DRC11: variants seen among roughly 807,000 people sequenced by gnomAD.
DRC11 encodes the protein dynein regulatory complex subunit 11.
chr2:236,478,003 ATT>A, the DRC11 span, among the ~76,000 whole-genome samples: 2 of 123,558 alleles, frequency 1.6e-5, no homozygotes, highest in African/African-American at 6.7e-5. The surrounding 1 kb of genome is among the most constrained non-coding windows in gnomAD (Gnocchi z 5.9). Flanking sequence ...CGTTTTGTTG[ATT>A]TGTGTGTGTG....
At chr2:236,315,786 G>A in the DRC11 span, among the ~76,000 whole-genome samples, 1 of 152,076 alleles carries the variant, frequency 6.6e-6, no homozygotes, top group Non-Finnish European at 1.5e-5. The surrounding 1 kb of genome is among the most constrained non-coding windows in gnomAD (Gnocchi z 5.1). Context: ...TCTCACAAGT[G>A]GCAGCTGAAC....
chr2:236,339,047 C>T, the DRC11 span, among the ~76,000 whole-genome samples: 2 of 152,132 alleles, frequency 1.3e-5, no homozygotes, highest in Non-Finnish European at 2.9e-5. Flanking sequence ...CCAGTGCAGA[C>T]AGCAAAGAGG....
At chr2:236,487,687 CA>C in the DRC11 span, among the ~76,000 whole-genome samples, 3 of 152,102 alleles carry the variant, frequency 2.0e-5, no homozygotes, top group Non-Finnish European at 4.4e-5. Flanking sequence ...GAATGTATTC[CA>C]AAAATCCATT....
the DRC11 span, chr2:236,497,088 C>T: frequency 2.7e-6 from 3 of 1,125,988 alleles, no homozygotes; most frequent in East Asian, 2.6e-5. This position sits in a 1 kb window ranked among gnomAD's most constrained non-coding sequence, Gnocchi z 5.1. Flanking sequence ...TGTAGAGTAT[C>T]GTGTACAGAT....
At chr2:236,465,869 T>C in the DRC11 span, among the ~76,000 whole-genome samples, 1 of 152,218 alleles carries the variant, frequency 6.6e-6, no homozygotes, top group Non-Finnish European at 1.5e-5. This position sits in a 1 kb window ranked among gnomAD's most constrained non-coding sequence, Gnocchi z 6.2. Context: ...ACTGAGTGCA[T>C]TTACTCAGTG....
At chr2:236,423,452 G>A in the DRC11 span, among the ~76,000 whole-genome samples, 1 of 152,178 alleles carries the variant, frequency 6.6e-6, no homozygotes, top group African/African-American at 2.4e-5. Context: ...ATGAAAACAT[G>A]CTCATCATCA....
At chr2:236,429,932 T>C in the DRC11 span, among the ~76,000 whole-genome samples, 17 of 152,104 alleles carry the variant, frequency 1.1e-4, no homozygotes, top group African/African-American at 3.9e-4. This position sits in a 1 kb window ranked among gnomAD's most constrained non-coding sequence, Gnocchi z 5.9. Flanking sequence ...CTCTGCAGAA[T>C]ATGCTGTTGG....
the DRC11 span, among the ~76,000 whole-genome samples, chr2:236,373,907 T>A: frequency 6.6e-6 from 1 of 152,214 alleles, no homozygotes; most frequent in African/African-American, 2.4e-5. Flanking sequence ...TCCTGTTCAA[T>A]TTTGATTTAA....
the DRC11 span, among the ~76,000 whole-genome samples, chr2:236,504,691 C>G: frequency 6.6e-6 from 1 of 152,128 alleles, no homozygotes; most frequent in African/African-American, 2.4e-5. The surrounding 1 kb of genome is among the most constrained non-coding windows in gnomAD (Gnocchi z 5.0). Context: ...ATAATCCCCA[C>G]GTGTTGTAAG....
chr2:236,420,001 A>G, the DRC11 span, among the ~76,000 whole-genome samples: 1 of 152,202 alleles, frequency 6.6e-6, no homozygotes, highest in Non-Finnish European at 1.5e-5. This position sits in a 1 kb window ranked among gnomAD's most constrained non-coding sequence, Gnocchi z 4.8. Flanking sequence ...GGCTCTGCTC[A>G]TGACTTGTCA....
chr2:236,363,849 G>C, the DRC11 span: 1 of 1,613,928 alleles, frequency 6.2e-7, no homozygotes, highest in East Asian at 2.2e-5. The surrounding 1 kb of genome is among the most constrained non-coding windows in gnomAD (Gnocchi z 5.6). Context: ...TGTTAGAGGA[G>C]GACAAGTTGA....
At chr2:236,416,367 T>C in the DRC11 span, among the ~76,000 whole-genome samples, 3,061 of 151,720 alleles carry the variant, frequency 0.02, 99 homozygotes, top group Admixed American at 0.065. Context: ...ATTCCTGGGG[T>C]GGGATTTAGC....
At chr2:236,356,010 G>A in the DRC11 span, among the ~76,000 whole-genome samples, 1 of 152,148 alleles carries the variant, frequency 6.6e-6, no homozygotes, top group African/African-American at 2.4e-5. Context: ...TGGTACTGGG[G>A]CACAAGAGCA....
chr2:236,383,390 CT>C, the DRC11 span, among the ~76,000 whole-genome samples: 5 of 152,210 alleles, frequency 3.3e-5, no homozygotes, highest in Admixed American at 6.5e-5. Context: ...AGAAAACCAG[CT>C]CTTAGTTTTA....
chr2:236,416,726 TA>T, the DRC11 span, among the ~76,000 whole-genome samples: 7 of 19,344 alleles, frequency 3.6e-4, no homozygotes, highest in East Asian at 5.6e-3. Flanking sequence ...TATATTTATA[TA>T]TATATATATA....
the DRC11 span, among the ~76,000 whole-genome samples, chr2:236,386,447 C>T: frequency 4.0e-5 from 6 of 151,388 alleles, no homozygotes; most frequent in Admixed American, 6.6e-5. Context: ...AGTTTATTTG[C>T]GTAGAGGTGT....
chr2:236,386,705 C>G, the DRC11 span, among the ~76,000 whole-genome samples: 1 of 149,850 alleles, frequency 6.7e-6, no homozygotes, highest in African/African-American at 2.4e-5. Flanking sequence ...CTTCTGCTAG[C>G]TTTTGAATGT....
At chr2:236,312,346 C>T in the DRC11 span, among the ~76,000 whole-genome samples, 1 of 148,540 alleles carries the variant, frequency 6.7e-6, no homozygotes, top group Non-Finnish European at 1.5e-5. Context: ...CATCATAGTT[C>T]TTAAAAAAAA....
chr2:236,486,698 G>T, the DRC11 span: 1 of 663,886 alleles, frequency 1.5e-6, no homozygotes. This position sits in a 1 kb window ranked among gnomAD's most constrained non-coding sequence, Gnocchi z 5.7. Flanking sequence ...TGTACCATAT[G>T]GGTGACTCCA....
Sources: gnomAD v4.1 joint callset for allele counts (sites outside exome capture counted in the v4.1 genomes callset) on GRCh38, gnomAD v4.1.1 for gene constraint, Gnocchi (gnomAD v3.1) non-coding constraint, MANE v1.5 for transcripts, NCBI Gene and HGNC (gene_info 2026-07-23, HGNC 2026-07-21) for gene names.